The following PDS5B variants were observed in gnomAD, a reference collection of about 807,000 sequenced individuals.
PDS5B encodes the protein sister chromatid cohesion protein PDS5 homolog B.
PDS5B carries 51 observed loss-of-function variants against 184.1 expected under a neutral mutation model. The observed-to-expected ratio is 0.28, with a 90% CI of 0.22 to 0.35. The LOEUF is 0.35. Among genes scored for constraint, PDS5B ranks in the 10% least tolerant of loss-of-function variants. The pLI is 1.00. For missense variants in PDS5B, 1,180 were observed against 1,723.3 expected (o/e 0.68, Z 5.58); for synonymous variants, 566 against 569.2 (o/e 0.99, Z 0.08).
intron 1 of PDS5B, among the ~76,000 whole-genome samples, chr13:32,631,280 G>A: frequency 6.7e-6 from 1 of 149,800 alleles, no homozygotes; most frequent in Non-Finnish European, 1.5e-5. Flanking sequence ...TTTTGTAGTG[G>A]TGGCGTTTCA....
chr13:32,624,039 A>G (rs1018800), intron 1 of PDS5B, among the ~76,000 whole-genome samples: 1 of 147,102 alleles, frequency 6.8e-6, no homozygotes, highest in Non-Finnish European at 1.5e-5. Flanking sequence ...CCTTTTTTTT[A>G]AAAAAAAAAA....
At chr13:32,722,923 T>C (rs931780661) in intron 19 of PDS5B, among the ~76,000 whole-genome samples, 5 of 152,166 alleles carry the variant, frequency 3.3e-5, no homozygotes, top group Admixed American at 2.6e-4. Context: ...AAGAAATTAA[T>C]AGGAAACCAG....
chr13:32,645,750 T>C (rs9315174), intron 1 of PDS5B, among the ~76,000 whole-genome samples: 58,156 of 151,984 alleles, frequency 0.38, 11,584 homozygotes, highest in Non-Finnish European at 0.44. Context: ...CAGGAAAGTG[T>C]AAAACTTATG....
At chr13:32,754,820 C>T (rs189950509) in intron 25 of PDS5B, among the ~76,000 whole-genome samples, 1 of 152,210 alleles carries the variant, frequency 6.6e-6, no homozygotes, top group Non-Finnish European at 1.5e-5. Flanking sequence ...GTTAGCCATT[C>T]TTATTTTGGT....
At chr13:32,689,085 A>C (rs1349386773) in intron 13 of PDS5B, 1 of 157,588 alleles carries the variant, frequency 6.3e-6, no homozygotes, top group Non-Finnish European at 1.4e-5. Flanking sequence ...TGTTTAGGTA[A>C]GGTGGCATTG....
At chr13:32,727,920 A>G (rs866114087) in intron 19 of PDS5B, among the ~76,000 whole-genome samples, 2 of 151,534 alleles carry the variant, frequency 1.3e-5, no homozygotes, top group Non-Finnish European at 2.9e-5. Flanking sequence ...AATTACAAGT[A>G]TTTTTGACTA....
At chr13:32,630,655 T>C (rs998025468) in intron 1 of PDS5B, among the ~76,000 whole-genome samples, 2 of 152,220 alleles carry the variant, frequency 1.3e-5, no homozygotes, top group African/African-American at 4.8e-5. Context: ...TCTCTGAGCC[T>C]CACTCTGTCT....
intron 1 of PDS5B, among the ~76,000 whole-genome samples, chr13:32,607,858 G>A (rs548505581): frequency 1.3e-5 from 2 of 152,354 alleles, no homozygotes; most frequent in South Asian, 4.1e-4. Flanking sequence ...GACCCGCTGA[G>A]CCAGGTGCGG....
At chr13:32,687,627 G>T (rs574744013) in intron 12 of PDS5B, among the ~76,000 whole-genome samples, 1 of 152,186 alleles carries the variant, frequency 6.6e-6, no homozygotes, top group African/African-American at 2.4e-5. Flanking sequence ...ACTTTAAAAA[G>T]CTGTTGAATT....
At chr13:32,661,385 C>CAAAAAAAAAAAAAAAAAAAAA (rs747985772) in intron 6 of PDS5B, among the ~76,000 whole-genome samples, 4 of 31,992 alleles carry the variant, frequency 1.3e-4, no homozygotes, top group Non-Finnish European at 1.7e-4. Context: ...GACTCTGTCT[C>CAAAAAAAAAAAAAAAAAAAAA]AAAAAAAAAA....
chr13:32,620,953 A>G (rs956854916), intron 1 of PDS5B, among the ~76,000 whole-genome samples: 9 of 152,352 alleles, frequency 5.9e-5, no homozygotes, highest in African/African-American at 2.2e-4. Context: ...ATATAGCTAC[A>G]CTGGCCAACA....
chr13:32,726,506 C>T (rs1365184832), intron 19 of PDS5B, among the ~76,000 whole-genome samples: 1 of 152,188 alleles, frequency 6.6e-6, no homozygotes, highest in East Asian at 1.9e-4. Flanking sequence ...TTACTGTGTT[C>T]CTATCCATAA....
At chr13:32,705,335 A>G (rs942867336) in intron 17 of PDS5B, among the ~76,000 whole-genome samples, 14 of 152,196 alleles carry the variant, frequency 9.2e-5, no homozygotes, top group African/African-American at 3.4e-4. Flanking sequence ...ATTCAGATTG[A>G]AGATTTGTAT....
chr13:32,599,383 C>G (rs2057936528), intron 1 of PDS5B, among the ~76,000 whole-genome samples: 1 of 151,798 alleles, frequency 6.6e-6, no homozygotes, highest in African/African-American at 2.4e-5. Context: ...CCTGCCTCAG[C>G]CTCCCGAGTA....
At chr13:32,609,908 AAAAAC>A (rs2058115623) in intron 1 of PDS5B, among the ~76,000 whole-genome samples, 1 of 152,142 alleles carries the variant, frequency 6.6e-6, no homozygotes, top group Admixed American at 6.5e-5. Context: ...AAGAAAAAAA[AAAAAC>A]AAAAAAATGA....
intron 1 of PDS5B, among the ~76,000 whole-genome samples, chr13:32,587,003 T>TCGCCGC (rs1176659377): frequency 2.5e-5 from 3 of 119,034 alleles, no homozygotes; most frequent in South Asian, 3.4e-4. Context: ...GCCGCCGCCG[T>TCGCCGC]CGCCGCCGCC....
At position 32,642,295 on chromosome 13, in the gene PDS5B, G is replaced by A. The variant is rs534086409; in HGVS notation, c.-19-6459G>A. The stretch of plus-strand genomic sequence containing the variant: ...CCTACTACTGATAGTAGCTATTTGC[G>A]ATAGATGCTAGCAGATAGATGCTAG... On this transcript the variant is annotated intron_variant, in intron 1 of 34. Coordinates refer to ENST00000315596, the MANE Select transcript of PDS5B (RefSeq NM_015032.4). 2.0e-5 allele frequency among the ~76,000 whole-genome samples: 3 copies of A among 152,214 alleles called. No individual in the cohort carries two copies. The East Asian group carries it at 5.8e-4, about 29-fold the overall frequency.
chr13:32,745,401 C>G (rs138999519), intron 23 of PDS5B, among the ~76,000 whole-genome samples: 1 of 152,302 alleles, frequency 6.6e-6, no homozygotes, highest in African/African-American at 2.4e-5. Flanking sequence ...AATTAAATGA[C>G]TTGAGTGACA....
intron 1 of PDS5B, among the ~76,000 whole-genome samples, chr13:32,593,792 A>G (rs2057813213): frequency 6.6e-6 from 1 of 152,022 alleles, no homozygotes; most frequent in Admixed American, 6.6e-5. Context: ...GGTTGAGGAG[A>G]AGGAGGAAAA....
Sources: gnomAD v4.1 joint callset for allele counts (sites outside exome capture counted in the v4.1 genomes callset) on GRCh38, gnomAD v4.1.1 for gene constraint, MANE v1.5 for transcripts, NCBI Gene and HGNC (gene_info 2026-07-23, HGNC 2026-07-21) for gene names.